MALRD1: variants seen among roughly 807,000 people sequenced by gnomAD.
MALRD1 encodes the protein MAM and LDL receptor class A domain containing 1.
Under a neutral mutation model 242.1 loss-of-function variants are expected in MALRD1, and 247 were observed. The observed-to-expected ratio is 1.02, with a 90% CI of 0.92 to 1.13. The LOEUF is 1.13. Among genes scored for constraint, MALRD1 ranks in the 50% most tolerant of loss-of-function variants. The pLI, the probability that MALRD1 is intolerant of heterozygous loss-of-function variation, is 0.00. For synonymous variants in MALRD1, 995 were observed against 866.6 expected (o/e 1.15, Z -2.60); for missense variants, 2,989 against 2,533.1 (o/e 1.18, Z -3.86).
At chr10:19,507,755 C>T (rs1036748512) in intron 31 of MALRD1, among the ~76,000 whole-genome samples, 1 of 152,054 alleles carries the variant, frequency 6.6e-6, no homozygotes, top group Non-Finnish European at 1.5e-5. Flanking sequence ...TAAAGTGAAA[C>T]ATTTGGGATT....
intron 21 of MALRD1, among the ~76,000 whole-genome samples, chr10:19,322,437 T>C (rs1037380186): frequency 1.3e-5 from 2 of 152,158 alleles, no homozygotes; most frequent in African/African-American, 4.8e-5. Context: ...AACCACAAAT[T>C]ACAACTACCA....
Position 19,133,923 on chromosome 10 carries a change from T to C in MALRD1, c.1178T>C (p.Ile393Thr), listed in dbSNP as rs1180108381. 25 of 1,229,564 alleles carry C rather than the reference T, an allele frequency of 2.0e-5. No homozygotes were observed. The highest frequency in any genetic ancestry group is 3.1e-5 in the African/African-American group (2 of 64,288). 76.2% of individuals were successfully genotyped at this position (1,229,564 alleles called of 1,614,324 possible). The stretch of plus-strand genomic sequence containing the variant: ...CAATGGGTGAAAGCAGATGTGTTAA[T>C]ACCAGAAGATCTGAAGACATTTAAG... ...HSQWVKADVL[I>T]PEDLKTFKII... The change falls in exon 9 of 40, where the codon ATA becomes ACA. Residue 393 changes from isoleucine to threonine, a missense_variant. Physicochemically the swap from Ile to Thr is moderately conservative, Grantham distance 89. Transcript: ENST00000454679.
At position 19,486,150 on chromosome 10, in the gene MALRD1, AAT is replaced by A. The variant is rs147230794; in HGVS notation, c.5030-5364_5030-5363del. On this transcript the variant is annotated intron_variant, in intron 29 of 39. Coordinates refer to ENST00000454679, the MANE Select transcript of MALRD1 (RefSeq NM_001142308.3). ...TGTATTTAAACTCTTACTATAATAAAATATGTTTTAAAAGCTCAGAGGTTTCC... is the reference window on the plus strand; with the variant it reads ...TGTATTTAAACTCTTACTATAATAAAATGTTTTAAAAGCTCAGAGGTTTCC... Among the ~76,000 whole-genome samples, 899 of 152,290 alleles carry A rather than the reference AAT, an allele frequency of 5.9e-3. 12 individuals carry two copies. Among genetic ancestry groups the A allele is most frequent in the Admixed American group, 0.024 (361 of 15,296 alleles).
rs540385224 is a variant in MALRD1, at chr10:19,357,886, T to C, written c.4441+5589T>C. 2.0e-5 allele frequency among the ~76,000 whole-genome samples: 3 copies of C among 152,130 alleles called. No individual in the cohort carries two copies. The East Asian group carries it at 5.8e-4, about 29-fold the overall frequency. On this transcript the variant is annotated intron_variant, in intron 26 of 39. Transcript: ENST00000454679. ...GGAAAAATGTATATATTTAGGAAGA[T>C]GCAATTGAGCAGAATCTGGAATCAG...
At chr10:19,123,660 C>T (rs1837148262) in intron 6 of MALRD1, 67 bp downstream of exon 6, 1 of 909,644 alleles carries the variant, frequency 1.1e-6, no homozygotes, top group African/African-American at 1.7e-5. Flanking sequence ...AGACCACTCA[C>T]AGGAAAGTGC....
intron 2 of MALRD1, among the ~76,000 whole-genome samples, chr10:19,069,361 T>C (rs1280768102): frequency 6.6e-6 from 1 of 152,074 alleles, no homozygotes; most frequent in East Asian, 1.9e-4. Flanking sequence ...CGTTCACATA[T>C]ATTGGTTCTA....
At chr10:19,708,044 A>G (rs1833944143) in intron 38 of MALRD1, among the ~76,000 whole-genome samples, 1 of 120,088 alleles carries the variant, frequency 8.3e-6, no homozygotes, top group Non-Finnish European at 1.9e-5. Context: ...TTTAATACAG[A>G]AAGTGAGAAA....
chr10:19,369,091 A>G (rs1470945716), intron 26 of MALRD1, among the ~76,000 whole-genome samples: 1 of 146,880 alleles, frequency 6.8e-6, no homozygotes, highest in African/African-American at 2.5e-5. Context: ...ATGTGTTAAT[A>G]TATATTTAAA....
intron 30 of MALRD1, 57 bp downstream of exon 30, chr10:19,491,702 G>A: frequency 6.6e-7 from 1 of 1,517,220 alleles, no homozygotes; most frequent in Non-Finnish European, 8.9e-7. Flanking sequence ...TCCTTCATAA[G>A]TAGAGTTAGA....
At chr10:19,588,566 A>G (rs1279929138) in intron 33 of MALRD1, among the ~76,000 whole-genome samples, 1 of 152,150 alleles carries the variant, frequency 6.6e-6, no homozygotes, top group Non-Finnish European at 1.5e-5. Context: ...TGATTGTGGG[A>G]TTTTCTGTTG....
chr10:19,723,892 C>T (rs1834891051), intron 38 of MALRD1, among the ~76,000 whole-genome samples: 1 of 148,828 alleles, frequency 6.7e-6, no homozygotes, highest in African/African-American at 2.5e-5. Context: ...CACTAAGCAG[C>T]TTGAGCAGTT....
chr10:19,051,591 G>T lies in MALRD1; in HGVS notation c.199+2454G>T, dbSNP rs143897175. 2.0e-3 allele frequency: 326 copies of T among 159,564 alleles called. 2 individuals carry two copies. Among genetic ancestry groups the T allele is most frequent in the South Asian group, 0.017 (94 of 5,418 alleles). 9.9% of individuals were successfully genotyped at this position (159,564 alleles called of 1,614,324 possible). On this transcript the variant is annotated intron_variant, in intron 1 of 39. Transcript: ENST00000454679. The stretch of plus-strand genomic sequence containing the variant: ...GATGAAGATTTGACATTTACAAGAC[G>T]GACAGGAATGATAATTGGACCTCCA...
intron 38 of MALRD1, among the ~76,000 whole-genome samples, chr10:19,703,156 A>T (rs1833698764): frequency 6.6e-6 from 1 of 152,196 alleles, no homozygotes; most frequent in Non-Finnish European, 1.5e-5. Context: ...AAGACACAGG[A>T]TGTCTCACAG....
chr10:19,206,786 T>G (rs1836806571), intron 17 of MALRD1, among the ~76,000 whole-genome samples: 1 of 152,182 alleles, frequency 6.6e-6, no homozygotes, highest in African/African-American at 2.4e-5. Flanking sequence ...GAAGTTTGAG[T>G]GTGCAGTCAG....
chr10:19,471,221 G>T (rs1836476214), intron 29 of MALRD1, among the ~76,000 whole-genome samples: 1 of 151,714 alleles, frequency 6.6e-6, no homozygotes, highest in African/African-American at 2.4e-5. Flanking sequence ...TGGCACCCTT[G>T]TCCAAAATTA....
rs974546940 is a variant in MALRD1 at position 19,646,591 on chromosome 10, C to T, written c.6137+30668C>T. ...CTGCACTCCAGTCTGGGTGACAGAG[C>T]GAGACTGTGTCTCAAGAAAAAAAAA... is the stretch of plus-strand genomic sequence containing the variant. On this transcript the variant is annotated intron_variant, in intron 36 of 39. Transcript: ENST00000454679. 6.0e-5 allele frequency among the ~76,000 whole-genome samples: 9 copies of T among 150,088 alleles called. No homozygotes were observed. The East Asian group carries it at 1.2e-3, about 20-fold the overall frequency.
intron 13 of MALRD1, among the ~76,000 whole-genome samples, chr10:19,170,474 A>G (rs1369261666): frequency 1.3e-5 from 2 of 152,178 alleles, no homozygotes; most frequent in Non-Finnish European, 2.9e-5. Flanking sequence ...GATGGATACC[A>G]TGTTCTGTCT....
intron 32 of MALRD1, among the ~76,000 whole-genome samples, chr10:19,539,852 T>TTG (rs1589217850): frequency 4.7e-5 from 3 of 64,328 alleles, no homozygotes; most frequent in African/African-American, 1.5e-4. Flanking sequence ...ACACCCAGCT[T>TTG]TGTGCGTGTG....
rs372840892 is a variant in MALRD1 at position 19,504,723 on chromosome 10, C to T, written c.5320+6077C>T. 2.1e-3 allele frequency among the ~76,000 whole-genome samples: 290 copies of T among 134,974 alleles called. 1 individual carries two copies. Among genetic ancestry groups the T allele is most frequent in the African/African-American group, 6.9e-3 (231 of 33,508 alleles). The allele number at this position is 134,974 out of a possible 152,430, so 88.5% of individuals were successfully genotyped here. On this transcript the variant is annotated intron_variant, in intron 31 of 39. Transcript: ENST00000454679. ...CGGAGTCTCGCTCTGTCGCCCAGGCCGGACTGCGGACTGCAGTGGCGCAAT... is the reference window on the plus strand; with the variant it reads ...CGGAGTCTCGCTCTGTCGCCCAGGCTGGACTGCGGACTGCAGTGGCGCAAT...
Sources: gnomAD v4.1 joint callset for allele counts (sites outside exome capture counted in the v4.1 genomes callset) on GRCh38, gnomAD v4.1.1 for gene constraint, MANE v1.5 for transcripts, NCBI Gene and HGNC (gene_info 2026-07-23, HGNC 2026-07-21) for gene names.